Variants in CARD10 observed in about 807,000 individuals in gnomAD.
CARD10 encodes caspase recruitment domain family member 10.
Under a neutral mutation model 114.6 loss-of-function variants are expected in CARD10, and 49 were observed. The ratio of observed to expected loss-of-function variants is 0.43; its 90% CI spans 0.34 to 0.54. The LOEUF (loss-of-function observed/expected upper bound fraction) is 0.54. Among genes scored for constraint, CARD10 ranks in the 20% least tolerant of loss-of-function variants. CARD10 has a pLI of 0.03. For missense variants in CARD10, 1,206 were observed against 1,397.2 expected, an observed-to-expected ratio of 0.86 and a Z score of 2.18; for synonymous variants, 602 against 593.2, an observed-to-expected ratio of 1.01 and a Z score of -0.21.
chr22:37,509,527 C>T (rs1430209119), intron 4 of CARD10, among the ~76,000 whole-genome samples: 2 of 152,072 alleles, frequency 1.3e-5, no homozygotes, highest in Non-Finnish European at 2.9e-5. Flanking sequence ...CTTCCCAGGC[C>T]TTGGGAGGAT....
At position 37,506,292 on chromosome 22, in the gene CARD10, G is replaced by A. The variant is rs367893893; in HGVS notation, c.1283C>T (p.Ala428Val). Reference sequence around the variant, plus strand: ...CGTTGTCAGCAGCTCATCCCGCTCCGCCTCCAGGCCCCGCACCTGCTTGCG... The same window carrying A: ...CGTTGTCAGCAGCTCATCCCGCTCCACCTCCAGGCCCCGCACCTGCTTGCG... ...QYRKQVRGLE[A>V]ERDELLTTLT... The change falls in exon 7 of 20, where the codon GCG (alanine) becomes GTG (valine). Residue 428 changes from alanine (A) to valine (V), a missense_variant. Physicochemically the swap from Ala to Val is moderately conservative, Grantham distance 64. Around this residue, in one of 2 missense-constraint regions of CARD10, gnomAD observed 1,068 missense variants for 1,179.1 expected, o/e 0.91. Transcript: ENST00000251973. The A allele has an allele frequency of 2.7e-5, 44 of 1,609,976 alleles. 1 individual carries two copies. The highest frequency in any genetic ancestry group is 2.1e-4 in the African/African-American group (16 of 74,830).
chr22:37,491,041 G>T lies in CARD10; in HGVS notation c.*118C>A. On this transcript the variant is annotated 3_prime_UTR_variant, in exon 20 of 20. Transcript: ENST00000251973. Reference sequence around the variant, plus strand: ...CTTGGGGGTGAGAGGCCAGAGCCAAGGGCCCTGCATCTGAGAGTCCAAGGG... The same window carrying T: ...CTTGGGGGTGAGAGGCCAGAGCCAATGGCCCTGCATCTGAGAGTCCAAGGG... 1 of 811,280 alleles carries T rather than the reference G, an allele frequency of 1.2e-6. No homozygotes were observed. Among genetic ancestry groups the T allele is most frequent in the Non-Finnish European group, 1.9e-6 (1 of 514,894 alleles). The allele number at this position is 811,280 out of a possible 1,614,324, so 50.3% of individuals were successfully genotyped here.
At chr22:37,518,831 AG>A in intron 1 of CARD10, 134 bp downstream of exon 1, 1 of 1,118,536 alleles carries the variant, frequency 8.9e-7, no homozygotes, top group Non-Finnish European at 1.2e-6. Flanking sequence ...GGGCATACCC[AG>A]CCGGCCCACT....
chr22:37,518,815 G>C, intron 1 of CARD10, 151 bp downstream of exon 1: 3 of 925,464 alleles, frequency 3.2e-6, no homozygotes, highest in African/African-American at 1.7e-5. Flanking sequence ...GAGGAGGCAG[G>C]CTGGTGGGCA....
chr22:37,502,060 C>T lies in CARD10; in HGVS notation c.1787+542G>A, dbSNP rs148178108. 2.4e-3 allele frequency among the ~76,000 whole-genome samples: 371 copies of T among 152,350 alleles called. 2 individuals carry two copies. The highest frequency in any genetic ancestry group is 8.3e-3 in the African/African-American group (347 of 41,580). On this transcript the variant is annotated intron_variant, in intron 11 of 19. Transcript: ENST00000251973. The stretch of plus-strand genomic sequence containing the variant: ...GTGTGAACAGCGGCCACGCACCGGC[C>T]ACACTAACAGCACGTCGCCTACAGT...
rs1050389562 is a variant in CARD10 at position 37,519,350 on chromosome 22, G to A, written c.-150C>T. On this transcript the variant is annotated 5_prime_UTR_variant, in exon 1 of 20. Transcript: ENST00000251973. This position sits in a 1 kb window ranked among gnomAD's most constrained non-coding sequence, Gnocchi z 4.1. The stretch of plus-strand genomic sequence containing the variant: ...GAGCTCCCCGCGACTCACCCCGCAC[G>A]CTACAGTCGCCTCGGGCTCCCGGGT... 2 of 1,244,454 alleles carry A rather than the reference G, an allele frequency of 1.6e-6. No homozygotes were observed. Among genetic ancestry groups the A allele is most frequent in the Non-Finnish European group, 2.0e-6 (2 of 995,148 alleles). The allele number at this position is 1,244,454 out of a possible 1,614,324, so 77.1% of individuals were successfully genotyped here.
chr22:37,497,019 C>T lies in CARD10; in HGVS notation c.1947G>A (p.Glu649=). 6.2e-7 allele frequency: 1 copy of T among 1,610,298 alleles called. No homozygotes were observed. The highest frequency in any genetic ancestry group is 2.2e-5 in the East Asian group (1 of 44,794). ...GPGSARMEPR[E]QRVEAAGLEG... ...CCCAGCTCAGGAGGCAGGGCCTCACCTCTCTTGGTTCCATCCTGGCGGACC... is the reference window on the plus strand; with the variant it reads ...CCCAGCTCAGGAGGCAGGGCCTCACTTCTCTTGGTTCCATCCTGGCGGACC... Residue 649 remains glutamate (E), a splice_region_variant and synonymous_variant, in exon 12 of 20, where the codon GAG becomes GAA. Coordinates refer to ENST00000251973, the MANE Select transcript of CARD10 (RefSeq NM_014550.4).
At chr22:37,502,433 C>T (rs1232750969) in intron 11 of CARD10, among the ~76,000 whole-genome samples, 169 bp downstream of exon 11, 4 of 152,174 alleles carry the variant, frequency 2.6e-5, no homozygotes, top group Non-Finnish European at 4.4e-5. Context: ...GTCACAGGGA[C>T]GATCAAGAGC....
At chr22:37,518,605 A>G (rs909805360) in intron 1 of CARD10, among the ~76,000 whole-genome samples, 6 of 152,226 alleles carry the variant, frequency 3.9e-5, no homozygotes, top group Non-Finnish European at 8.8e-5. Flanking sequence ...GGGGACAGAC[A>G]GAACTCGGAG....
rs1053069659 is a variant in CARD10, at chr22:37,518,770, G to A, written c.235+196C>T. Among the ~76,000 whole-genome samples the A allele has an allele frequency of 1.7e-4, 26 of 152,234 alleles. 1 individual carries two copies. Among genetic ancestry groups the A allele is most frequent in the Admixed American group, 1.4e-3 (21 of 15,290 alleles). On this transcript the variant is annotated intron_variant, in intron 1 of 19. Transcript: ENST00000251973. The stretch of plus-strand genomic sequence containing the variant: ...AGACAAAACTCTGACCCCGGTGTGG[G>A]CAACGCGGACCGCCAAGGCGCAGTG...
chr22:37,496,082 A>C lies in CARD10; in HGVS notation c.2060-79T>G. The C allele has an allele frequency of 6.4e-7, 1 of 1,561,426 alleles. No homozygotes were observed. Among genetic ancestry groups the C allele is most frequent in the Non-Finnish European group, 8.7e-7 (1 of 1,148,736 alleles). On this transcript the variant is annotated intron_variant, in intron 13 of 19. Coordinates refer to ENST00000251973, the MANE Select transcript of CARD10 (RefSeq NM_014550.4). This position sits in a 1 kb window ranked among gnomAD's most constrained non-coding sequence, Gnocchi z 4.1. ...GTCCAGGATCGGCCTTGGTGGGGCCAAAGACATGGCCCTCTCGAGGCCTGA... is the reference window on the plus strand; with the variant it reads ...GTCCAGGATCGGCCTTGGTGGGGCCCAAGACATGGCCCTCTCGAGGCCTGA...
At chr22:37,508,381 A>G in intron 5 of CARD10, 146 bp downstream of exon 5, 1 of 950,658 alleles carries the variant, frequency 1.1e-6, no homozygotes, top group Admixed American at 3.0e-5. Context: ...AGCGCCTAGA[A>G]GGGTGCCTCC....
chr22:37,494,393 G>A (rs1197291193), intron 15 of CARD10: 3 of 585,754 alleles, frequency 5.1e-6, no homozygotes, highest in Non-Finnish European at 6.1e-6. Context: ...AGGCAGATGA[G>A]AGCAGCCATC....
At position 37,507,728 on chromosome 22, in the gene CARD10, C is replaced by A. The variant is rs996886036; in HGVS notation, c.1191+101G>T. On this transcript the variant is annotated intron_variant, in intron 6 of 19. Transcript: ENST00000251973. ...TCCTAACCCAACAGGGAGCGGCTAA[C>A]GTCTCTTTCTACCATTCTAGTCCCC... 6.6e-5 allele frequency: 95 copies of A among 1,441,022 alleles called. No homozygotes were observed. In the Admixed American group the frequency reaches 1.6e-3, roughly 25 times the overall value. The allele number at this position is 1,441,022 out of a possible 1,614,324, so 89.3% of individuals were successfully genotyped here. A position where few individuals can be genotyped will look rare whatever the true frequency, so the allele number is the denominator to read the frequency against.
At chr22:37,513,944 C>CA (rs373883936) in intron 3 of CARD10, among the ~76,000 whole-genome samples, 77 of 148,580 alleles carry the variant, frequency 5.2e-4, no homozygotes, top group East Asian at 2.4e-3. Context: ...ACTAAAAATA[C>CA]AAAAAAAAAA....
At chr22:37,494,853 CCTTT>C (rs1411736573) in intron 15 of CARD10, among the ~76,000 whole-genome samples, 2 of 152,250 alleles carry the variant, frequency 1.3e-5, no homozygotes, top group African/African-American at 2.4e-5. Context: ...CCTCGCTCTT[CCTTT>C]ATCTGATGGC....
At chr22:37,494,429 G>A (rs978420830) in intron 15 of CARD10, 29 of 569,194 alleles carry the variant, frequency 5.1e-5, no homozygotes, top group Middle Eastern at 4.6e-4. Flanking sequence ...AAGCCAGCCC[G>A]TCTGAGCCTG....
chr22:37,510,301 GCTCCTT>G lies in CARD10; in HGVS notation c.814_819del (p.Lys272_Glu273del), dbSNP rs60611523. 0.24 allele frequency: 389,213 copies of G among 1,605,384 alleles called. 49,435 individuals carry two copies. Among genetic ancestry groups the G allele is most frequent in the African/African-American group, 0.44 (32,477 of 74,546 alleles). On this transcript the variant is annotated inframe_deletion, in exon 4 of 20. Coordinates refer to ENST00000251973, the MANE Select transcript of CARD10 (RefSeq NM_014550.4). ...TCAGAGACAAGGTCCACATTGTCTG[GCTCCTT>G]CTCCTTCTCCTTCTCCTTCTCCTTC...
At chr22:37,503,468 C>T (rs896988426) in intron 9 of CARD10, among the ~76,000 whole-genome samples, 3 of 152,142 alleles carry the variant, frequency 2.0e-5, no homozygotes, top group Middle Eastern at 3.2e-3. Context: ...CCTTCAAAGC[C>T]AGCTCTTTCA....
Sources: gnomAD v4.1 joint callset for allele counts (sites outside exome capture counted in the v4.1 genomes callset) on GRCh38, gnomAD v4.1.1 for gene constraint, gnomAD v4.1.1 regional missense constraint, Gnocchi (gnomAD v3.1) non-coding constraint, MANE v1.5 for transcripts, NCBI Gene and HGNC (gene_info 2026-07-23, HGNC 2026-07-21) for gene names.